Variants in ADAMTS15 observed in about 807,000 individuals in gnomAD.
The protein encoded by ADAMTS15 is A disintegrin and metalloproteinase with thrombospondin motifs 15.
ADAMTS15 carries 35 observed loss-of-function variants against 79.1 expected under a neutral mutation model. The observed-to-expected ratio is 0.44, with a 90% CI of 0.34 to 0.59. The LOEUF (loss-of-function observed/expected upper bound fraction) is 0.59. Among genes scored for constraint, ADAMTS15 ranks in the 20% least tolerant of loss-of-function variants. The pLI is 0.02. For synonymous variants in ADAMTS15, 616 were observed against 567.3 expected (o/e 1.09, Z -1.22); for missense variants, 1,324 against 1,318.7 (o/e 1.00, Z -0.06).
Position 130,469,358 on chromosome 11 carries a change from A to C in ADAMTS15, c.1639A>C (p.Thr547Pro), listed in dbSNP as rs761494649. 34 of 1,355,736 alleles carry C rather than the reference A, an allele frequency of 2.5e-5. No homozygotes were observed. Among genetic ancestry groups the C allele is most frequent in the Non-Finnish European group, 3.2e-5 (33 of 1,045,564 alleles). 84.0% of individuals were successfully genotyped at this position (1,355,736 alleles called of 1,614,324 possible). ...QLARRQCTNPTPANGGKYCEG... is the reference protein window; with the variant it reads ...QLARRQCTNPPPANGGKYCEG... ...GGCCAGGAGGCAGTGCACCAACCCC[A>C]CCCCTGCCAACGGGGGCAAGTACTG... The change falls in exon 5 of 8, where the codon ACC becomes CCC. Residue 547 changes from threonine to proline, a missense_variant. Transcript: ENST00000299164.
Position 130,449,150 on chromosome 11 carries a change from A to G in ADAMTS15, c.177A>G (p.Ala59=), listed in dbSNP as rs1204283828. ...GDQGLIFQIT[A]FQEDFYLHLT... ...AGGGACTCATTTTTCAGATCACAGC[A>G]TTTCAGGAGGACTTTTACCTACACC... The change falls in exon 1 of 8, where the codon GCA becomes GCG. Residue 59 remains alanine (A), a synonymous_variant. Transcript: ENST00000299164. The surrounding 1 kb of genome is among the most constrained non-coding windows in gnomAD (Gnocchi z 7.8). 2.5e-6 allele frequency: 4 copies of G among 1,604,954 alleles called. No individual in the cohort carries two copies. The highest frequency in any genetic ancestry group is 1.1e-5 in the South Asian group (1 of 90,574).
chr11:130,451,113 C>T (rs1240866900), intron 1 of ADAMTS15, among the ~76,000 whole-genome samples: 1 of 152,182 alleles, frequency 6.6e-6, no homozygotes, highest in African/African-American at 2.4e-5. Context: ...AGGAAAAGAG[C>T]CATCCAAGTG....
At position 130,468,939 on chromosome 11, in the gene ADAMTS15, C is replaced by CAAAAAAAAA. The variant is rs911391031; in HGVS notation, c.1543-304_1543-296dup. 3.6e-4 allele frequency among the ~76,000 whole-genome samples: 10 copies of CAAAAAAAAA among 27,844 alleles called. 1 individual carries two copies. The highest frequency in any genetic ancestry group is 8.9e-4 in the African/African-American group (9 of 10,136). The allele number at this position is 27,844 out of a possible 152,430, so 18.3% of individuals were successfully genotyped here. Reference sequence around the variant, plus strand: ...GCAAAAGAGGGAGACTCCACCTCAACAAAAAAAAAAAAAAAAAAAAAAAAA... The same window carrying CAAAAAAAAA: ...GCAAAAGAGGGAGACTCCACCTCAACAAAAAAAAAAAAAAAAAAAAAAAAAAAAAAAAAA... On this transcript the variant is annotated intron_variant, in intron 4 of 7. Coordinates refer to ENST00000299164, the MANE Select transcript of ADAMTS15 (RefSeq NM_139055.4).
chr11:130,472,856 T>C lies in ADAMTS15; in HGVS notation c.2079-191T>C, dbSNP rs965388039. Reference sequence around the variant, plus strand: ...ACTTTACAGGTGAGGATGTGGAGGCTTGGAGAAGTTCAGCAGCTTTCCAGC... The same window carrying C: ...ACTTTACAGGTGAGGATGTGGAGGCCTGGAGAAGTTCAGCAGCTTTCCAGC... On this transcript the variant is annotated intron_variant, in intron 7 of 7. Transcript: ENST00000299164. The surrounding 1 kb of genome is among the most constrained non-coding windows in gnomAD (Gnocchi z 4.7). Among the ~76,000 whole-genome samples the C allele has an allele frequency of 4.6e-5, 7 of 152,226 alleles. No homozygotes were observed. The highest frequency in any genetic ancestry group is 1.7e-4 in the African/African-American group (7 of 41,454).
rs1938592518 is a variant in ADAMTS15 at position 130,476,559 on chromosome 11, G to C, written c.*2738G>C. 1 of 152,436 alleles carries C rather than the reference G, an allele frequency of 6.6e-6. No individual in the cohort carries two copies. 9.4% of individuals were successfully genotyped at this position (152,436 alleles called of 1,614,324 possible). A position where few individuals can be genotyped will look rare whatever the true frequency, so the allele number is the denominator to read the frequency against. ...GGATGGAAGGACCTGGGTGCTGGCT[G>C]GGCTGTGTATACTGTGTATACAAGG... On this transcript the variant is annotated 3_prime_UTR_variant, in exon 8 of 8. Coordinates refer to ENST00000299164, the MANE Select transcript of ADAMTS15 (RefSeq NM_139055.4).
chr11:130,474,017 C>T lies in ADAMTS15; in HGVS notation c.*196C>T. The T allele has an allele frequency of 1.3e-6, 1 of 750,766 alleles. No homozygotes were observed. The highest frequency in any genetic ancestry group is 2.1e-6 in the Non-Finnish European group (1 of 481,292). 46.5% of individuals were successfully genotyped at this position (750,766 alleles called of 1,614,324 possible). On this transcript the variant is annotated 3_prime_UTR_variant, in exon 8 of 8. Transcript: ENST00000299164. ...CTGGGCAGAGGGAAGCCCAGGAACT[C>T]CCGCACAGTCTACCTCAGGCCCCGC...
At chr11:130,453,836 A>C (rs898685755) in intron 1 of ADAMTS15, among the ~76,000 whole-genome samples, 1 of 152,098 alleles carries the variant, frequency 6.6e-6, no homozygotes, top group South Asian at 2.1e-4. Context: ...TTTTTCAAGA[A>C]ATTTTTCCAT....
chr11:130,453,403 A>T (rs1333279011), intron 1 of ADAMTS15, among the ~76,000 whole-genome samples: 11 of 112,340 alleles, frequency 9.8e-5, no homozygotes, highest in Non-Finnish European at 1.4e-4. Context: ...TTATTTCTTT[A>T]TTTTTTTTAG....
At position 130,463,113 on chromosome 11, in the gene ADAMTS15, A is replaced by G. The variant is rs187193592; in HGVS notation, c.1542+333A>G. Among the ~76,000 whole-genome samples, 718 of 152,264 alleles carry G rather than the reference A, an allele frequency of 4.7e-3. 4 individuals carry two copies. The highest frequency in any genetic ancestry group is 6.8e-3 in the Non-Finnish European group (465 of 68,012). ...AGGAGCTCTGGGCTCAAAACTGAAC[A>G]CATAGTGTCAGGAGCGGCTCACTCG... On this transcript the variant is annotated intron_variant, in intron 4 of 7. Transcript: ENST00000299164.
At chr11:130,451,643 CCTGGG>C (rs961644994) in intron 1 of ADAMTS15, among the ~76,000 whole-genome samples, 1 of 152,064 alleles carries the variant, frequency 6.6e-6, no homozygotes, top group Non-Finnish European at 1.5e-5. Context: ...CCATTCGTTA[CCTGGG>C]CTGCCCCAGT....
intron 2 of ADAMTS15, 117 bp from the exon 3 acceptor site, chr11:130,461,970 G>T: frequency 1.7e-6 from 2 of 1,193,950 alleles, no homozygotes; most frequent in Non-Finnish European, 1.2e-6. Flanking sequence ...GTCGATAGTT[G>T]GCAATGACCA....
rs888694131 is a variant in ADAMTS15 at position 130,472,687 on chromosome 11, C to T, written c.2079-360C>T. Among the ~76,000 whole-genome samples, 3 of 149,034 alleles carry T rather than the reference C, an allele frequency of 2.0e-5. No individual in the cohort carries two copies. Among genetic ancestry groups the T allele is most frequent in the Admixed American group, 6.6e-5 (1 of 15,080 alleles). On this transcript the variant is annotated intron_variant, in intron 7 of 7. Transcript: ENST00000299164. The surrounding 1 kb of genome is among the most constrained non-coding windows in gnomAD (Gnocchi z 4.7). Reference sequence around the variant, plus strand: ...TTACTCCTCCCGCCCCACCCCTCCTCCTCCTCCTCCTCCTCCTCCTCGTCC... The same window carrying T: ...TTACTCCTCCCGCCCCACCCCTCCTTCTCCTCCTCCTCCTCCTCCTCGTCC...
At chr11:130,460,187 G>A (rs1938170786) in intron 1 of ADAMTS15, among the ~76,000 whole-genome samples, 1 of 152,108 alleles carries the variant, frequency 6.6e-6, no homozygotes, top group African/African-American at 2.4e-5. Context: ...GACACATGTA[G>A]CAGCTTCCTG....
chr11:130,462,923 G>T lies in ADAMTS15; in HGVS notation c.1542+143G>T. On this transcript the variant is annotated intron_variant, in intron 4 of 7. Transcript: ENST00000299164. The surrounding 1 kb of genome is among the most constrained non-coding windows in gnomAD (Gnocchi z 4.3). The stretch of plus-strand genomic sequence containing the variant: ...CAGCACTGTTGCATGGCTGAGCTGT[G>T]CCTTCACTGCCCTGTATATAGTCCT... 9.0e-7 allele frequency: 1 copy of T among 1,116,282 alleles called. No homozygotes were observed. Among genetic ancestry groups the T allele is most frequent in the Non-Finnish European group, 1.3e-6 (1 of 790,272 alleles). The allele number at this position is 1,116,282 out of a possible 1,614,324, so 69.1% of individuals were successfully genotyped here.
intron 5 of ADAMTS15, 28 bp from the exon 6 acceptor site, chr11:130,470,892 C>G (rs768048446): frequency 1.7e-5 from 28 of 1,602,876 alleles, no homozygotes; most frequent in Non-Finnish European, 2.3e-5. Flanking sequence ...TTCCCCTCAA[C>G]TTCTTTCTTA....
Position 130,449,547 on chromosome 11 carries a change from A to G in ADAMTS15, c.574A>G (p.Lys192Glu). The change falls in exon 1 of 8, where the codon AAG becomes GAG. Residue 192 changes from lysine (K) to glutamate (E), a missense_variant. Coordinates refer to ENST00000299164, the MANE Select transcript of ADAMTS15 (RefSeq NM_139055.4). This position sits in a 1 kb window ranked among gnomAD's most constrained non-coding sequence, Gnocchi z 7.8. ...CATCCTACGGGCCCTGGACCCTTAC[A>G]AGCCGCGGCGGGCGGGCTTCGGGGA... Reference protein sequence around the residue: ...PAILRALDPYKPRRAGFGESR... With the variant: ...PAILRALDPYEPRRAGFGESR... The G allele has an allele frequency of 6.3e-7, 1 of 1,580,524 alleles. No individual in the cohort carries two copies. Among genetic ancestry groups the G allele is most frequent in the Non-Finnish European group, 8.6e-7 (1 of 1,162,540 alleles).
At chr11:130,471,684 T>C (rs912044756) in intron 7 of ADAMTS15, among the ~76,000 whole-genome samples, 1 of 152,102 alleles carries the variant, frequency 6.6e-6, no homozygotes, top group African/African-American at 2.4e-5. Flanking sequence ...TGTTCTAGAG[T>C]AAGACCGACC....
At chr11:130,468,777 A>T (rs1592149581) in intron 4 of ADAMTS15, among the ~76,000 whole-genome samples, 2 of 147,870 alleles carry the variant, frequency 1.4e-5, no homozygotes, top group Admixed American at 6.7e-5. Context: ...AAAAAAAAAA[A>T]AAAAAAATAA....
chr11:130,460,455 G>A (rs886587844), intron 1 of ADAMTS15, among the ~76,000 whole-genome samples: 2 of 151,934 alleles, frequency 1.3e-5, no homozygotes, highest in African/African-American at 2.4e-5. Context: ...TTTTGTATTT[G>A]TAGTAGAGAT....
Sources: allele counts gnomAD v4.1 joint callset (sites outside exome capture counted in the v4.1 genomes callset), GRCh38; gene constraint gnomAD v4.1.1; non-coding constraint Gnocchi (gnomAD v3.1); transcripts MANE v1.5; gene names NCBI Gene and HGNC (gene_info 2026-07-23, HGNC 2026-07-21).